BOP1: variants seen among roughly 807,000 people sequenced by gnomAD.
BOP1 encodes BOP1 ribosomal biogenesis factor, also known as ribosome biogenesis protein BOP1.
In BOP1, 54 loss-of-function variants were observed where a neutral mutation model predicts 82.9. The ratio of observed to expected loss-of-function variants is 0.65; its 90% CI spans 0.52 to 0.82. The LOEUF is 0.82. Among genes scored for constraint, BOP1 ranks in the 40% least tolerant of loss-of-function variants. BOP1 has a pLI of 0.00. For synonymous variants in BOP1, 566 were observed against 451.1 expected, an observed-to-expected ratio of 1.25 and a Z score of -3.23; for missense variants, 1,170 against 1,072.0, an observed-to-expected ratio of 1.09 and a Z score of -1.28.
At chr8:144,274,948 C>T (rs902140532) in intron 3 of BOP1, among the ~76,000 whole-genome samples, 39 of 152,326 alleles carry the variant, frequency 2.6e-4, no homozygotes, top group Admixed American at 2.0e-3. Context: ...GAGTGCGCGG[C>T]GTGGCCCCCC....
chr8:144,266,715 C>T, intron 3 of BOP1: 3 of 1,211,266 alleles, frequency 2.5e-6, no homozygotes, highest in Non-Finnish European at 3.1e-6. Flanking sequence ...ACAGCTCGGG[C>T]TCCGACGAGA....
At chr8:144,272,734 G>A (rs1446195717) in intron 3 of BOP1, among the ~76,000 whole-genome samples, 1 of 152,068 alleles carries the variant, frequency 6.6e-6, no homozygotes, top group African/African-American at 2.4e-5. Flanking sequence ...TCATCCGAGA[G>A]CCCAGGGTAC....
chr8:144,288,831 C>A (rs1814956197), intron 2 of BOP1, among the ~76,000 whole-genome samples: 1 of 152,216 alleles, frequency 6.6e-6, no homozygotes, highest in South Asian at 2.1e-4. Flanking sequence ...GGAAACCCAA[C>A]CTGTTGCCAG....
rs573907679 is a variant in BOP1 at position 144,282,630 on chromosome 8, G to A, written c.310-6326C>T. On this transcript the variant is annotated intron_variant, in intron 2 of 15. Transcript: ENST00000569669. ...ACTAGCAACAGCTGTGGGCCCTGCC[G>A]TGGCCCACAGATACCCCAGGGAAGG... Among the ~76,000 whole-genome samples the A allele has an allele frequency of 4.6e-5, 7 of 152,138 alleles. No individual in the cohort carries two copies. The East Asian group carries it at 5.8e-4, about 13-fold the overall frequency.
chr8:144,263,174 G>A, intron 12 of BOP1, 33 bp from the exon 13 acceptor site: 16 of 1,592,364 alleles, frequency 1.0e-5, no homozygotes, highest in Non-Finnish European at 1.4e-5. Context: ...GAGTGGCTGA[G>A]CCGGGCCCCT....
intron 3 of BOP1, chr8:144,265,411 T>TC (rs1845336906): frequency 4.7e-6 from 2 of 425,136 alleles, no homozygotes; most frequent in Middle Eastern, 6.4e-4. Flanking sequence ...ACGGGCTCCC[T>TC]CCCCTGGCAG....
At chr8:144,264,883 C>T in intron 4 of BOP1, 34 bp downstream of exon 4, 1 of 1,608,432 alleles carries the variant, frequency 6.2e-7, no homozygotes, top group Non-Finnish European at 8.5e-7. Flanking sequence ...CTCGGGCCCA[C>T]CCCGGCTGCT....
chr8:144,273,098 G>C (rs1350875146), intron 3 of BOP1, among the ~76,000 whole-genome samples: 2 of 152,142 alleles, frequency 1.3e-5, no homozygotes, highest in East Asian at 1.9e-4. Context: ...TTCGCTCGCC[G>C]GGAAACCTGA....
intron 8 of BOP1, 33 bp downstream of exon 8, chr8:144,263,948 G>A (rs919976886): frequency 4.3e-6 from 7 of 1,611,214 alleles, no homozygotes; most frequent in Non-Finnish European, 5.1e-6. Context: ...CTTGCCCCCT[G>A]TGCCACCCCC....
intron 2 of BOP1, among the ~76,000 whole-genome samples, chr8:144,284,582 T>G (rs1325782280): frequency 6.6e-6 from 1 of 152,158 alleles, no homozygotes; most frequent in East Asian, 1.9e-4. Flanking sequence ...CTGTGCGAGT[T>G]TGGATATGTC....
intron 3 of BOP1, among the ~76,000 whole-genome samples, chr8:144,274,001 CATCCAG>C (rs1355329193): frequency 4.6e-5 from 7 of 151,780 alleles, no homozygotes; most frequent in Non-Finnish European, 1.5e-5. Context: ...GCCCCAGTGT[CATCCAG>C]GTCCAGGCCC....
Position 144,264,411 on chromosome 8 carries a change from C to G in BOP1, c.792G>C (p.Lys264Asn). The change falls in exon 7 of 16, where the codon AAG becomes AAC. Residue 264 changes from lysine (K) to asparagine (N), a missense_variant. By Grantham distance (94) the Lys-to-Asn change is moderately conservative. Transcript: ENST00000569669. Reference sequence around the variant, plus strand: ...GCCGGCGAGGCTGGATCCAGCCCATCTTGATGGCGTGCACCATGCGAGAGA... The same window carrying G: ...GCCGGCGAGGCTGGATCCAGCCCATGTTGATGGCGTGCACCATGCGAGAGA... ...EKVSRMVHAIKMGWIQPRRPR... is the reference protein window; with the variant it reads ...EKVSRMVHAINMGWIQPRRPR... 2 of 1,602,842 alleles carry G rather than the reference C, an allele frequency of 1.2e-6. No individual in the cohort carries two copies. Among genetic ancestry groups the G allele is most frequent in the Admixed American group, 1.7e-5 (1 of 60,004 alleles).
chr8:144,291,254 C>T lies in BOP1; in HGVS notation c.99+18G>A, dbSNP rs782525259. The T allele has an allele frequency of 1.7e-5, 24 of 1,449,230 alleles. No individual in the cohort carries two copies. The South Asian group carries it at 3.1e-4, about 19-fold the overall frequency. 89.8% of individuals were successfully genotyped at this position (1,449,230 alleles called of 1,614,324 possible). A position where few individuals can be genotyped will look rare whatever the true frequency, so the allele number is the denominator to read the frequency against. On this transcript the variant is annotated intron_variant, in intron 1 of 15. Transcript: ENST00000569669. This position sits in a 1 kb window ranked among gnomAD's most constrained non-coding sequence, Gnocchi z 4.1. Reference sequence around the variant, plus strand: ...CCCTCTAGGGACGCGCCCCGCCGCCCCGCATCGCCACAGTCACCTCCGGCT... The same window carrying T: ...CCCTCTAGGGACGCGCCCCGCCGCCTCGCATCGCCACAGTCACCTCCGGCT...
Position 144,263,775 on chromosome 8 carries a change from G to A in BOP1, c.1222-14C>T, listed in dbSNP as rs1198601305. The stretch of plus-strand genomic sequence containing the variant: ...GCCCCTGTAGACCTGAGGAGGCGGC[G>A]GCAGTGAGGAGTCAGACTGGGAGGG... On this transcript the variant is annotated splice_polypyrimidine_tract_variant and intron_variant, in intron 9 of 15. Coordinates refer to ENST00000569669, the MANE Select transcript of BOP1 (RefSeq NM_015201.5). The A allele has an allele frequency of 1.1e-5, 18 of 1,596,710 alleles. No individual in the cohort carries two copies. The highest frequency in any genetic ancestry group is 2.1e-4 in the Middle Eastern group (1 of 4,844).
intron 3 of BOP1, chr8:144,265,929 AG>A (rs1406994655): frequency 0.08 from 12,197 of 152,798 alleles, 531 homozygotes; most frequent in Non-Finnish European, 0.1. Context: ...GCACAAGAAC[AG>A]GGGACATGGC....
At chr8:144,286,192 C>T (rs529849761) in intron 2 of BOP1, among the ~76,000 whole-genome samples, 10 of 152,216 alleles carry the variant, frequency 6.6e-5, no homozygotes, top group African/African-American at 2.2e-4. Flanking sequence ...GCTGAAAGCA[C>T]CCCCACCTCA....
In BOP1 at chr8:144,263,489, C is replaced by T; in HGVS notation, c.1413G>A (p.Val471=). ...AWNPSPAVCL[V]AAAVEDSVLL... ...GGGCCTCCACTTACACGGCTGCAGC[C>T]ACCAGGCAGACAGCGGGGCTGGGGT... Residue 471 remains valine (V), a synonymous_variant, in exon 11 of 16, where the codon GTG becomes GTA. Coordinates refer to ENST00000569669, the MANE Select transcript of BOP1 (RefSeq NM_015201.5). The T allele has an allele frequency of 6.3e-7, 1 of 1,598,550 alleles. No individual in the cohort carries two copies. Among genetic ancestry groups the T allele is most frequent in the Non-Finnish European group, 8.5e-7 (1 of 1,179,680 alleles).
chr8:144,291,272 CT>C lies in BOP1; in HGVS notation c.98del (p.Glu33GlyfsTer157). The C allele has an allele frequency of 6.9e-7, 1 of 1,459,550 alleles. No individual in the cohort carries two copies. Among genetic ancestry groups the C allele is most frequent in the Non-Finnish European group, 9.0e-7 (1 of 1,107,886 alleles). The allele number at this position is 1,459,550 out of a possible 1,614,324, so 90.4% of individuals were successfully genotyped here. On this transcript the variant is annotated frameshift_variant and splice_region_variant, in exon 1 of 16. Coordinates refer to ENST00000569669, the MANE Select transcript of BOP1 (RefSeq NM_015201.5). LOFTEE classifies it high-confidence loss of function. The surrounding 1 kb of genome is among the most constrained non-coding windows in gnomAD (Gnocchi z 4.1). ...EPELEPEPEP[E>X]PPLLCTSPLS... is the part of the protein sequence containing the mutation. ...CGCCGCCCCGCATCGCCACAGTCAC[CT>C]CCGGCTCGGGCTCAGGCTCCAGTTC... is the stretch of plus-strand genomic sequence containing the variant.
intron 3 of BOP1, among the ~76,000 whole-genome samples, chr8:144,273,854 G>A (rs1845531718): frequency 6.6e-6 from 1 of 152,170 alleles, no homozygotes; most frequent in South Asian, 2.1e-4. Context: ...CAGGGGCTCC[G>A]CCCGCCTCCC....
Sources: allele counts gnomAD v4.1 joint callset (sites outside exome capture counted in the v4.1 genomes callset), GRCh38; gene constraint gnomAD v4.1.1; non-coding constraint Gnocchi (gnomAD v3.1); transcripts MANE v1.5; gene names NCBI Gene and HGNC (gene_info 2026-07-23, HGNC 2026-07-21).